PLXDC2: variants seen among roughly 807,000 people sequenced by gnomAD.
PLXDC2 encodes plexin domain containing 2.
In PLXDC2, 40 loss-of-function variants were observed where a neutral mutation model predicts 68.9. That is an observed-to-expected ratio of 0.58 (90% CI 0.45 to 0.76). The LOEUF (loss-of-function observed/expected upper bound fraction) is 0.76, where lower values mean the gene tolerates loss of function less well. Among genes scored for constraint, PLXDC2 ranks in the 30% least tolerant of loss-of-function variants. The pLI is 0.00. For missense variants in PLXDC2, 644 were observed against 661.9 expected, an observed-to-expected ratio of 0.97 and a Z score of 0.30; for synonymous variants, 243 against 234.2, an observed-to-expected ratio of 1.04 and a Z score of -0.34.
chr10:20,049,406 G>C (rs1037794921), intron 3 of PLXDC2, among the ~76,000 whole-genome samples: 1 of 152,098 alleles, frequency 6.6e-6, no homozygotes, highest in Admixed American at 6.6e-5. Context: ...AATAGGTAGA[G>C]AGGAAGTAAA....
At chr10:20,081,357 C>T (rs1836554125) in intron 4 of PLXDC2, among the ~76,000 whole-genome samples, 1 of 151,728 alleles carries the variant, frequency 6.6e-6, no homozygotes, top group Admixed American at 6.6e-5. Context: ...CCTAAAGATA[C>T]AGACCTACTA....
chr10:19,895,144 G>A (rs1838036518), intron 1 of PLXDC2, among the ~76,000 whole-genome samples: 1 of 152,138 alleles, frequency 6.6e-6, no homozygotes, highest in African/African-American at 2.4e-5. Flanking sequence ...GGATGAAACT[G>A]AACTACTTTT....
intron 13 of PLXDC2, among the ~76,000 whole-genome samples, chr10:20,264,692 C>T (rs1835848563): frequency 6.6e-6 from 1 of 151,034 alleles, no homozygotes; most frequent in African/African-American, 2.4e-5. Context: ...TAATGTATTA[C>T]AAGAAATAAA....
intron 3 of PLXDC2, among the ~76,000 whole-genome samples, chr10:20,047,700 C>G (rs545974180): frequency 1.3e-5 from 2 of 152,214 alleles, no homozygotes; most frequent in Admixed American, 1.3e-4. Flanking sequence ...CAAGGGCCAG[C>G]CTGAATGCTC....
At chr10:20,165,528 GT>G (rs1197233373) in intron 7 of PLXDC2, among the ~76,000 whole-genome samples, 1 of 151,780 alleles carries the variant, frequency 6.6e-6, no homozygotes, top group East Asian at 1.9e-4. Flanking sequence ...AATATGCGGT[GT>G]TTGGTTTTTT....
intron 2 of PLXDC2, among the ~76,000 whole-genome samples, chr10:20,034,955 C>T (rs1835555538): frequency 6.6e-6 from 1 of 152,144 alleles, no homozygotes; most frequent in Admixed American, 6.6e-5. Context: ...TGATGAAATT[C>T]CCTAATGACA....
chr10:19,820,492 G>A (rs955915295), intron 1 of PLXDC2, among the ~76,000 whole-genome samples: 2 of 151,856 alleles, frequency 1.3e-5, no homozygotes, highest in Admixed American at 1.3e-4. Flanking sequence ...AAATTAGCCG[G>A]GCGCGGTGGC....
At chr10:19,819,029 T>TAC (rs1491240181) in intron 1 of PLXDC2, among the ~76,000 whole-genome samples, 2 of 83,362 alleles carry the variant, frequency 2.4e-5, no homozygotes, top group Non-Finnish European at 4.7e-5. Context: ...AGAATATATG[T>TAC]ATACACACAC....
chr10:19,890,519 T>A (rs1255217722), intron 1 of PLXDC2, among the ~76,000 whole-genome samples: 1 of 136,656 alleles, frequency 7.3e-6, no homozygotes, highest in Non-Finnish European at 1.5e-5. Flanking sequence ...TTCTGAGAAC[T>A]GCTTTTTTTT....
chr10:19,865,618 A>T (rs879827809), intron 1 of PLXDC2, among the ~76,000 whole-genome samples: 1 of 152,188 alleles, frequency 6.6e-6, no homozygotes, highest in Non-Finnish European at 1.5e-5. Flanking sequence ...ACCTCCAAGC[A>T]TCTGAATATT....
chr10:19,892,678 A>G (rs1837985548), intron 1 of PLXDC2, among the ~76,000 whole-genome samples: 2 of 152,228 alleles, frequency 1.3e-5, no homozygotes, highest in South Asian at 2.1e-4. Context: ...GCTTTTATAA[A>G]TAAAGGTAGA....
At chr10:20,177,695 A>G (rs929037590) in intron 9 of PLXDC2, among the ~76,000 whole-genome samples, 3 of 151,970 alleles carry the variant, frequency 2.0e-5, no homozygotes, top group Admixed American at 1.3e-4. Flanking sequence ...ACTTGAGCCT[A>G]GGAGTTGAAG....
At chr10:20,139,617 A>G (rs1329838916) in intron 4 of PLXDC2, among the ~76,000 whole-genome samples, 2 of 152,228 alleles carry the variant, frequency 1.3e-5, no homozygotes, top group African/African-American at 2.4e-5. Context: ...ATGCCCATCA[A>G]TGATAGACTG....
intron 1 of PLXDC2, among the ~76,000 whole-genome samples, chr10:19,856,732 G>A (rs1048936275): frequency 1.2e-4 from 19 of 152,102 alleles, no homozygotes; most frequent in African/African-American, 3.9e-4. Context: ...GAATAAATGG[G>A]GGAAATCAAA....
At position 20,285,188 on chromosome 10, in the gene PLXDC2, G is replaced by A. The variant is rs1189060813; in HGVS notation, c.*5369G>A. On this transcript the variant is annotated 3_prime_UTR_variant, in exon 14 of 14. Coordinates refer to ENST00000377252, the MANE Select transcript of PLXDC2 (RefSeq NM_032812.9). ...ATAAGGTTTTTTGGGCAGATAATGC[G>A]AGGTCTGTGGTGTTACCTTTTATAT... is the stretch of plus-strand genomic sequence containing the variant. 4 of 152,072 alleles carry A rather than the reference G, an allele frequency of 2.6e-5. 1 individual carries two copies. The South Asian group carries it at 6.2e-4, about 24-fold the overall frequency. 9.4% of individuals were successfully genotyped at this position (152,072 alleles called of 1,614,324 possible). A position where few individuals can be genotyped will look rare whatever the true frequency, so the allele number is the denominator to read the frequency against.
intron 1 of PLXDC2, among the ~76,000 whole-genome samples, chr10:19,898,652 A>G (rs1040447262): frequency 2.6e-5 from 4 of 152,216 alleles, no homozygotes; most frequent in Admixed American, 2.6e-4. Context: ...TCGGGGAAGC[A>G]GAAAATGAGG....
Position 20,129,675 on chromosome 10 carries a change from GA to G in PLXDC2, c.542-13619del, listed in dbSNP as rs573317767. On this transcript the variant is annotated intron_variant, in intron 4 of 13. Transcript: ENST00000377252. ...CACATTTAAGCCTTTAGTCTACTTT[GA>G]GTTGATTTTTGTATATGGTGTGAAA... Among the ~76,000 whole-genome samples the G allele has an allele frequency of 3.4e-3, 524 of 152,052 alleles. 2 individuals carry two copies. The highest frequency in any genetic ancestry group is 0.012 in the African/African-American group (482 of 41,500).
chr10:19,891,199 C>T (rs1011703285), intron 1 of PLXDC2, among the ~76,000 whole-genome samples: 3 of 152,002 alleles, frequency 2.0e-5, no homozygotes, highest in African/African-American at 4.8e-5. Flanking sequence ...TTAAAAACAA[C>T]AAAAAAGTAT....
At chr10:20,209,827 T>A (rs933671269) in intron 9 of PLXDC2, among the ~76,000 whole-genome samples, 2 of 152,118 alleles carry the variant, frequency 1.3e-5, no homozygotes, top group Admixed American at 6.6e-5. Flanking sequence ...AAGACAGGCA[T>A]AGGAAATCAC....
Sources: gnomAD v4.1 joint callset for allele counts (sites outside exome capture counted in the v4.1 genomes callset) on GRCh38, gnomAD v4.1.1 for gene constraint, MANE v1.5 for transcripts, NCBI Gene and HGNC (gene_info 2026-07-23, HGNC 2026-07-21) for gene names.